LSM4: variants seen among roughly 807,000 people sequenced by gnomAD.
LSM4 encodes U6 snRNA-associated Sm-like protein LSm4.
LSM4 carries 15 observed loss-of-function variants against 22.3 expected under a neutral mutation model. That is an observed-to-expected ratio of 0.67 (90% confidence interval 0.45 to 1.03). The LOEUF is 1.03. LSM4 is among the 50% of genes least tolerant of loss of function. The pLI is 0.00. For missense variants in LSM4, 127 were observed against 198.0 expected (o/e 0.64, Z 2.15); for synonymous variants, 90 against 79.8 (o/e 1.13, Z -0.68).
rs988027923 is a variant in LSM4, at chr19:18,307,248, T to C, written c.*216A>G. ...AATCCAGCCAGTTTTGGGACGGCCG[T>C]TTCACAAAACCAAAAAACACCAAGT... On this transcript the variant is annotated 3_prime_UTR_variant, in exon 5 of 5. Transcript: ENST00000593829. The C allele has an allele frequency of 2.3e-5, 10 of 428,468 alleles. No homozygotes were observed. Among genetic ancestry groups the C allele is most frequent in the Middle Eastern group, 5.9e-4 (1 of 1,690 alleles). The allele number at this position is 428,468 out of a possible 1,614,324, so 26.5% of individuals were successfully genotyped here.
At chr19:18,307,588 C>A in intron 4 of LSM4, 33 bp from the exon 5 acceptor site, 1 of 1,438,164 alleles carries the variant, frequency 7.0e-7, no homozygotes. Context: ...TGCAGCAGAG[C>A]CAGGTGGGTG....
rs1970245003 is a variant in LSM4 at position 18,307,649 on chromosome 19, A to G, written c.329-94T>C. ...CTGAAACTCTAGGCCAGGTCACCTA[A>G]GTCTCCAGCCTCAGCTTCCTCATGT... is the stretch of plus-strand genomic sequence containing the variant. On this transcript the variant is annotated intron_variant, in intron 4 of 4. Coordinates refer to ENST00000593829, the MANE Select transcript of LSM4 (RefSeq NM_012321.5). 4 of 882,784 alleles carry G rather than the reference A, an allele frequency of 4.5e-6. No homozygotes were observed. In the East Asian group the frequency reaches 1.3e-4, roughly 29 times the overall value. The allele number at this position is 882,784 out of a possible 1,614,324, so 54.7% of individuals were successfully genotyped here.
intron 4 of LSM4, 69 bp downstream of exon 4, chr19:18,309,609 A>G (rs1227105498): frequency 1.6e-5 from 23 of 1,483,824 alleles, no homozygotes; most frequent in Non-Finnish European, 2.0e-5. Context: ...GGGCAACCCC[A>G]AGAAGGAGGG....
chr19:18,321,170 T>C (rs1970420941), intron 1 of LSM4, among the ~76,000 whole-genome samples: 1 of 151,792 alleles, frequency 6.6e-6, no homozygotes, highest in Non-Finnish European at 1.5e-5. Flanking sequence ...AGGGGCTGAA[T>C]GAATGAGTTC....
Position 18,306,330 on chromosome 19 carries a change from CTG to C in LSM4, c.*1132_*1133del, listed in dbSNP as rs1336642617. The C allele has an allele frequency of 9.2e-5, 14 of 152,252 alleles. No individual in the cohort carries two copies. The highest frequency in any genetic ancestry group is 3.4e-4 in the African/African-American group (14 of 41,462). 9.4% of individuals were successfully genotyped at this position (152,252 alleles called of 1,614,324 possible). On this transcript the variant is annotated 3_prime_UTR_variant, in exon 5 of 5. Transcript: ENST00000593829. ...GAAGGCTATGCAGGGGGACGGGCCG[CTG>C]CCTGGCTCAGGGCTTCCCTCTGGTT...
intron 2 of LSM4, 51 bp from the exon 3 acceptor site, chr19:18,312,753 A>G (rs753798592): frequency 7.2e-7 from 1 of 1,385,794 alleles, no homozygotes; most frequent in Admixed American, 1.7e-5. Context: ...GCCCTGCGCC[A>G]TGGGCCCCTC....
At chr19:18,307,949 G>GC (rs945093261) in intron 4 of LSM4, among the ~76,000 whole-genome samples, 1 of 149,520 alleles carries the variant, frequency 6.7e-6, no homozygotes, top group African/African-American at 2.4e-5. Context: ...CTCCCTGGCG[G>GC]GGGGGGGGCC....
In LSM4 at chr19:18,318,071, G is replaced by A. The variant is rs548452384; in HGVS notation, c.4-2006C>T. 2.4e-3 allele frequency among the ~76,000 whole-genome samples: 360 copies of A among 152,264 alleles called. 2 individuals are homozygous for A. The highest frequency in any genetic ancestry group is 8.3e-3 in the African/African-American group (344 of 41,560). ...GGGCCCTGACAAGACAGTGCCTCAT[G>A]GGACACAGGCTTCACCTAGCCCTGT... On this transcript the variant is annotated intron_variant, in intron 1 of 4. Transcript: ENST00000593829.
rs1030511569 is a variant in LSM4 at position 18,307,202 on chromosome 19, T to C, written c.*262A>G. On this transcript the variant is annotated 3_prime_UTR_variant, in exon 5 of 5. Transcript: ENST00000593829. ...CCAGAGCGAGGGCTTGAAAGATGCC[T>C]TCAACACAGACTCTTCTAGGAATCC... The C allele has an allele frequency of 4.1e-5, 16 of 389,774 alleles. No homozygotes were observed. Among genetic ancestry groups the C allele is most frequent in the Non-Finnish European group, 6.9e-5 (15 of 218,888 alleles). The allele number at this position is 389,774 out of a possible 1,614,324, so 24.1% of individuals were successfully genotyped here.
At chr19:18,312,582 C>G in intron 3 of LSM4, 22 bp downstream of exon 3, 1 of 1,605,158 alleles carries the variant, frequency 6.2e-7, no homozygotes, top group Non-Finnish European at 8.5e-7. Flanking sequence ...ATCCCACCCC[C>G]GTTGGTGGGT....
intron 2 of LSM4, among the ~76,000 whole-genome samples, chr19:18,313,448 GTA>G (rs147955283): frequency 0.018 from 2,722 of 152,228 alleles, 89 homozygotes; most frequent in African/African-American, 0.062. Context: ...ATCTATTTTG[GTA>G]TGTTTTGAGA....
chr19:18,320,196 TAAAAG>T (rs1970410821), intron 1 of LSM4, among the ~76,000 whole-genome samples: 1 of 152,124 alleles, frequency 6.6e-6, no homozygotes, highest in African/African-American at 2.4e-5. Flanking sequence ...CTCAAAATCT[TAAAAG>T]AAGATACATC....
chr19:18,309,697 G>A lies in LSM4; in HGVS notation c.309C>T (p.Gly103=). 1 of 1,608,762 alleles carries A rather than the reference G, an allele frequency of 6.2e-7. No homozygotes were observed. The highest frequency in any genetic ancestry group is 8.5e-7 in the Non-Finnish European group (1 of 1,178,206). The part of the protein sequence containing the change: ...LQQQKQQKGR[G]MGGAGRGVFG... ...ACCCACCTCGGCCAGCGCCGCCCAT[G>A]CCGCGGCCTTTCTGCTGCTTCTGCT... is the stretch of plus-strand genomic sequence containing the variant. Residue 103 remains glycine (G), a synonymous_variant, in exon 4 of 5, where the codon GGC becomes GGT. Coordinates refer to ENST00000593829, the MANE Select transcript of LSM4 (RefSeq NM_012321.5).
At chr19:18,307,797 G>A (rs1841071222) in intron 4 of LSM4, among the ~76,000 whole-genome samples, 2 of 120,764 alleles carry the variant, frequency 1.7e-5, no homozygotes, top group South Asian at 2.7e-4. Context: ...GGGGGGGGGG[G>A]ACTAGGCGAC....
At chr19:18,311,930 G>A (rs932138980) in intron 3 of LSM4, among the ~76,000 whole-genome samples, 3 of 152,324 alleles carry the variant, frequency 2.0e-5, no homozygotes, top group Admixed American at 6.5e-5. Context: ...ACCATGGGGG[G>A]CTGTCACCCA....
rs143087289 is a variant in LSM4 at position 18,320,846 on chromosome 19, T to C, written c.3+2172A>G. On this transcript the variant is annotated intron_variant, in intron 1 of 4. Transcript: ENST00000593829. ...AAAAGAAAAAAAGTGCCAAGTGTGA[T>C]AGGAGAGGCCCCACCCTGGTTTATG... 3.3e-5 allele frequency among the ~76,000 whole-genome samples: 5 copies of C among 152,234 alleles called. 1 individual carries two copies. The East Asian group carries it at 9.6e-4, about 29-fold the overall frequency.
In LSM4 at chr19:18,309,820, G is replaced by T. The variant is rs964265072; in HGVS notation, c.186C>A (p.Arg62=). The change falls in exon 4 of 5, where the codon CGC becomes CGA. Residue 62 remains arginine (R), a synonymous_variant. Transcript: ENST00000593829. The part of the protein sequence containing the change: ...KFWRMPECYI[R]GSTIKYLRIP... ...TGCGCAGGTACTTGATGGTGCTGCC[G>T]CGGATGTAGCACTCGGGCATCCGCC... is the stretch of plus-strand genomic sequence containing the variant. The T allele has an allele frequency of 3.7e-6, 6 of 1,613,830 alleles. No individual in the cohort carries two copies. Among genetic ancestry groups the T allele is most frequent in the Non-Finnish European group, 3.4e-6 (4 of 1,179,898 alleles).
chr19:18,311,924 T>TG (rs1229870144), intron 3 of LSM4, among the ~76,000 whole-genome samples: 2 of 151,922 alleles, frequency 1.3e-5, no homozygotes, highest in African/African-American at 4.8e-5. Context: ...CCCTATACCA[T>TG]GGGGGGCTGT....
intron 2 of LSM4, 121 bp downstream of exon 2, chr19:18,315,903 G>T: frequency 2.4e-6 from 2 of 825,166 alleles, no homozygotes; most frequent in Non-Finnish European, 4.0e-6. Flanking sequence ...TGGGGAGGGA[G>T]AAGAGAGCAA....
Sources: gnomAD v4.1 joint callset for allele counts (sites outside exome capture counted in the v4.1 genomes callset) on GRCh38, gnomAD v4.1.1 for gene constraint, MANE v1.5 for transcripts, NCBI Gene and HGNC (gene_info 2026-07-23, HGNC 2026-07-21) for gene names.